The following ZC3H7B variants were observed in gnomAD, a reference collection of about 807,000 sequenced individuals.
ZC3H7B encodes the protein zinc finger CCCH domain-containing protein 7B.
Under a neutral mutation model 116.0 loss-of-function variants are expected in ZC3H7B, and 35 were observed. The observed-to-expected ratio is 0.30, with a 90% CI of 0.23 to 0.40. ZC3H7B has a LOEUF of 0.40. ZC3H7B is among the 10% of genes least tolerant of loss of function. ZC3H7B has a pLI of 1.00. For synonymous variants in ZC3H7B, 502 were observed against 545.6 expected, an observed-to-expected ratio of 0.92 and a Z score of 1.11; for missense variants, 1,011 against 1,321.5, an observed-to-expected ratio of 0.77 and a Z score of 3.64.
At chr22:41,323,604 C>T (rs956216505) in intron 2 of ZC3H7B, among the ~76,000 whole-genome samples, 1 of 152,212 alleles carries the variant, frequency 6.6e-6, no homozygotes, top group African/African-American at 2.4e-5. Context: ...TGTTGGCCTC[C>T]TAAGGCTTTG....
chr22:41,337,641 C>T (rs1048998307), intron 7 of ZC3H7B, among the ~76,000 whole-genome samples: 1 of 152,218 alleles, frequency 6.6e-6, no homozygotes, highest in Non-Finnish European at 1.5e-5. Context: ...TGCAGGCCAT[C>T]TGTGGTGCTG....
chr22:41,357,527 G>A lies in ZC3H7B; in HGVS notation c.*98G>A, dbSNP rs1313373187. 4 of 874,174 alleles carry A rather than the reference G, an allele frequency of 4.6e-6. No individual in the cohort carries two copies. The highest frequency in any genetic ancestry group is 6.6e-6 in the Non-Finnish European group (4 of 602,678). The allele number at this position is 874,174 out of a possible 1,614,324, so 54.2% of individuals were successfully genotyped here. ...TCAGGGCAGGCCAGGGGGGTGGGGGGCCGCCCTCATCAGGCAGCCCCCAGC... is the reference window on the plus strand; with the variant it reads ...TCAGGGCAGGCCAGGGGGGTGGGGGACCGCCCTCATCAGGCAGCCCCCAGC... On this transcript the variant is annotated 3_prime_UTR_variant, in exon 23 of 23. Transcript: ENST00000352645. This position sits in a 1 kb window ranked among gnomAD's most constrained non-coding sequence, Gnocchi z 5.4.
rs145795902 is a variant in ZC3H7B, at chr22:41,356,134, C to T, written c.2383+72C>T. On this transcript the variant is annotated intron_variant, in intron 20 of 22. Transcript: ENST00000352645. ...AGTGCTGAATGTCTCAATTCACCAG[C>T]GGGCCCAAGAGCGTCCACTGCACCC... The T allele has an allele frequency of 7.5e-5, 110 of 1,464,156 alleles. 1 individual carries two copies. In the Middle Eastern group the frequency reaches 1.7e-3, roughly 23 times the overall value. The allele number at this position is 1,464,156 out of a possible 1,614,324, so 90.7% of individuals were successfully genotyped here.
In ZC3H7B at chr22:41,346,688, C is replaced by T. The variant is rs765648501; in HGVS notation, c.1665+480C>T. Among the ~76,000 whole-genome samples the T allele has an allele frequency of 2.0e-5, 3 of 152,212 alleles. No homozygotes were observed. Among genetic ancestry groups the T allele is most frequent in the Admixed American group, 6.5e-5 (1 of 15,290 alleles). On this transcript the variant is annotated intron_variant, in intron 14 of 22. Coordinates refer to ENST00000352645, the MANE Select transcript of ZC3H7B (RefSeq NM_017590.6). This position sits in a 1 kb window ranked among gnomAD's most constrained non-coding sequence, Gnocchi z 5.3. ...AAAATTAGCTGGGCGTTGTGGTGCA[C>T]GCCTGTAGTCCCAGCTAGTTGGGAG...
chr22:41,308,736 C>T (rs972482599), intron 1 of ZC3H7B, among the ~76,000 whole-genome samples: 1 of 152,250 alleles, frequency 6.6e-6, no homozygotes, highest in African/African-American at 2.4e-5. Flanking sequence ...TGGCTCCCGG[C>T]ATGGCCTGTG....
chr22:41,354,927 G>C (rs993909556), intron 17 of ZC3H7B, among the ~76,000 whole-genome samples: 2 of 152,160 alleles, frequency 1.3e-5, no homozygotes, highest in Non-Finnish European at 2.9e-5. Context: ...TACCCCTGCC[G>C]GGGTGGCTTC....
Position 41,357,487 on chromosome 22 carries a change from G to A in ZC3H7B, c.*58G>A. The A allele has an allele frequency of 6.4e-7, 1 of 1,570,382 alleles. No individual in the cohort carries two copies. The highest frequency in any genetic ancestry group is 8.6e-7 in the Non-Finnish European group (1 of 1,159,334). ...GTCAGGGGGTGGGGTGGGGCCAGAA[G>A]GCCTGATAGAAGGGTCAGGGCAGGC... is the stretch of plus-strand genomic sequence containing the variant. On this transcript the variant is annotated 3_prime_UTR_variant, in exon 23 of 23. Transcript: ENST00000352645. This position sits in a 1 kb window ranked among gnomAD's most constrained non-coding sequence, Gnocchi z 5.4.
chr22:41,347,162 C>G (rs2036596703), intron 14 of ZC3H7B, among the ~76,000 whole-genome samples: 1 of 152,194 alleles, frequency 6.6e-6, no homozygotes, highest in Admixed American at 6.5e-5. Flanking sequence ...CCAGCACCAG[C>G]TGCTGCTGGT....
chr22:41,359,164 G>C lies in ZC3H7B; in HGVS notation c.*1735G>C, dbSNP rs952645757. Reference sequence around the variant, plus strand: ...GGGAGGGGAGACCACACCCAAGGTGGGGGCTGTGGCCATGTGTGGCCGTGA... The same window carrying C: ...GGGAGGGGAGACCACACCCAAGGTGCGGGCTGTGGCCATGTGTGGCCGTGA... On this transcript the variant is annotated 3_prime_UTR_variant, in exon 23 of 23. Transcript: ENST00000352645. The C allele has an allele frequency of 3.3e-5, 5 of 152,874 alleles. No individual in the cohort carries two copies. Among genetic ancestry groups the C allele is most frequent in the South Asian group, 2.1e-4 (1 of 4,840 alleles). The allele number at this position is 152,874 out of a possible 1,614,324, so 9.5% of individuals were successfully genotyped here.
intron 5 of ZC3H7B, among the ~76,000 whole-genome samples, chr22:41,328,827 A>G (rs1474953395): frequency 6.6e-6 from 1 of 152,024 alleles, no homozygotes; most frequent in Non-Finnish European, 1.5e-5. Context: ...TGGGGGTTGC[A>G]GGAGATTGTT....
intron 7 of ZC3H7B, among the ~76,000 whole-genome samples, chr22:41,337,089 T>A (rs1172662174): frequency 6.6e-6 from 1 of 151,930 alleles, no homozygotes; most frequent in Non-Finnish European, 1.5e-5. Context: ...TAAGCCAAGA[T>A]CGCACCATTG....
intron 2 of ZC3H7B, 47 bp from the exon 3 acceptor site, chr22:41,325,517 T>C: frequency 6.3e-7 from 1 of 1,588,974 alleles, no homozygotes; most frequent in Non-Finnish European, 8.6e-7. Context: ...TCCATGAAGC[T>C]GGGACCGCCG....
intron 13 of ZC3H7B, among the ~76,000 whole-genome samples, chr22:41,344,688 G>A (rs1403032318): frequency 6.6e-6 from 1 of 152,214 alleles, no homozygotes; most frequent in Non-Finnish European, 1.5e-5. Flanking sequence ...GGACAAGGCA[G>A]ACTTAGAGTG....
rs1442925265 is a variant in ZC3H7B at position 41,358,601 on chromosome 22, G to C, written c.*1172G>C. 2.6e-5 allele frequency: 4 copies of C among 152,336 alleles called. No homozygotes were observed. The highest frequency in any genetic ancestry group is 4.4e-5 in the Non-Finnish European group (3 of 68,214). 9.4% of individuals were successfully genotyped at this position (152,336 alleles called of 1,614,324 possible). A position where few individuals can be genotyped will look rare whatever the true frequency, so the allele number is the denominator to read the frequency against. On this transcript the variant is annotated 3_prime_UTR_variant, in exon 23 of 23. Transcript: ENST00000352645. ...ATGGGACACGGCCCCTCTTTCTTGG[G>C]GACCCAGTATGTCCTCTCCTCTAGA...
chr22:41,341,464 C>A (rs758602695), intron 11 of ZC3H7B, among the ~76,000 whole-genome samples: 1 of 152,216 alleles, frequency 6.6e-6, no homozygotes, highest in Non-Finnish European at 1.5e-5. Flanking sequence ...AGCATCTGGG[C>A]CGGGCGCGGT....
chr22:41,320,726 G>C lies in ZC3H7B; in HGVS notation c.53+13G>C. On this transcript the variant is annotated intron_variant, in intron 2 of 22. Transcript: ENST00000352645. ...TGCAGTTCATTCAGTAAGCCTGCAT[G>C]CGGCAGGGGCTGGACGGCTGGGTGG... The C allele has an allele frequency of 6.2e-7, 1 of 1,613,870 alleles. No individual in the cohort carries two copies. The highest frequency in any genetic ancestry group is 8.5e-7 in the Non-Finnish European group (1 of 1,179,862).
At chr22:41,337,113 G>T (rs1019006597) in intron 7 of ZC3H7B, among the ~76,000 whole-genome samples, 11 of 151,938 alleles carry the variant, frequency 7.2e-5, no homozygotes, top group African/African-American at 2.7e-4. Flanking sequence ...TCCAGCCTGG[G>T]CAACAAGAGC....
rs561170805 is a variant in ZC3H7B at position 41,346,017 on chromosome 22, C to G, written c.1474C>G (p.Gln492Glu). ...YYLCKDMINK[Q>E]DCKYGDNCTF... ...CCTCTTTGCAGACATGATTAACAAG[C>G]AGGACTGTAAGTACGGGGATAACTG... The change falls in exon 14 of 23, where the codon CAG becomes GAG. Residue 492 changes from glutamine to glutamate, a missense_variant. Around this residue, in one of 5 missense-constraint regions of ZC3H7B, gnomAD observed 179 missense variants for 178.5 expected, o/e 1.00. Transcript: ENST00000352645. The surrounding 1 kb of genome is among the most constrained non-coding windows in gnomAD (Gnocchi z 5.3). 11 of 1,614,102 alleles carry G rather than the reference C, an allele frequency of 6.8e-6. No homozygotes were observed. The South Asian group carries it at 1.2e-4, about 18-fold the overall frequency.
chr22:41,359,171 T>C lies in ZC3H7B; in HGVS notation c.*1742T>C, dbSNP rs1484525821. The C allele has an allele frequency of 6.5e-6, 1 of 152,884 alleles. No homozygotes were observed. The highest frequency in any genetic ancestry group is 1.9e-4 in the East Asian group (1 of 5,200). The allele number at this position is 152,884 out of a possible 1,614,324, so 9.5% of individuals were successfully genotyped here. Reference sequence around the variant, plus strand: ...GAGACCACACCCAAGGTGGGGGCTGTGGCCATGTGTGGCCGTGATGTCGAT... The same window carrying C: ...GAGACCACACCCAAGGTGGGGGCTGCGGCCATGTGTGGCCGTGATGTCGAT... On this transcript the variant is annotated 3_prime_UTR_variant, in exon 23 of 23. Transcript: ENST00000352645.
Sources: gnomAD v4.1 joint callset for allele counts (sites outside exome capture counted in the v4.1 genomes callset) on GRCh38, gnomAD v4.1.1 for gene constraint, gnomAD v4.1.1 regional missense constraint, Gnocchi (gnomAD v3.1) non-coding constraint, MANE v1.5 for transcripts, NCBI Gene and HGNC (gene_info 2026-07-23, HGNC 2026-07-21) for gene names.